PCDHA5: variants seen among roughly 807,000 people sequenced by gnomAD.
PCDHA5 encodes the protein protocadherin alpha 5.
PCDHA5 carries 43 observed loss-of-function variants against 61.6 expected under a neutral mutation model. That is an observed-to-expected ratio of 0.70 (90% confidence interval 0.55 to 0.90). The LOEUF is 0.90. PCDHA5 is among the 40% of genes least tolerant of loss of function. PCDHA5 has a pLI of 0.00. For synonymous variants in PCDHA5, 627 were observed against 543.9 expected (o/e 1.15, Z -2.13); for missense variants, 1,298 against 1,222.7 (o/e 1.06, Z -0.92).
intron 1 of PCDHA5, among the ~76,000 whole-genome samples, chr5:140,885,916 T>C (rs2060771663): frequency 1.3e-5 from 2 of 152,202 alleles, no homozygotes; most frequent in Admixed American, 1.3e-4. Flanking sequence ...CTTATAGATA[T>C]TAACTGTTTA....
chr5:140,863,164 G>A, intron 1 of PCDHA5: 2 of 661,250 alleles, frequency 3.0e-6, no homozygotes, highest in Non-Finnish European at 5.5e-6. Flanking sequence ...CTGCGAGCTG[G>A]CGCTGACTGC....
chr5:140,876,062 G>C, intron 1 of PCDHA5: 1 of 1,613,842 alleles, frequency 6.2e-7, no homozygotes, highest in South Asian at 1.1e-5. Flanking sequence ...TTAGTTCTTC[G>C]GAAGTTATTG....
intron 1 of PCDHA5, among the ~76,000 whole-genome samples, chr5:140,971,717 T>C (rs2096494226): frequency 6.6e-6 from 1 of 152,012 alleles, no homozygotes; most frequent in Non-Finnish European, 1.5e-5. Flanking sequence ...TATAGATATA[T>C]GTATATCATA....
In PCDHA5 at chr5:140,822,855, G is replaced by C. The variant is rs782705160; in HGVS notation, c.1080G>C (p.Glu360Asp). Residue 360 changes from glutamate (E) to aspartate (D), a missense_variant, in exon 1 of 4, where the codon GAG (glutamate) becomes GAC (aspartate). Glu to Asp is a conservative substitution (Grantham distance 45). Coordinates refer to ENST00000529859, the MANE Select transcript of PCDHA5 (RefSeq NM_018908.3). Reference sequence around the variant, plus strand: ...CCACCCTTTTCCTGCCTGTCAAAGAGGACGCTCCACTCAGCACGGTCATTG... The same window carrying C: ...CCACCCTTTTCCTGCCTGTCAAAGACGACGCTCCACTCAGCACGGTCATTG... ...AITTLFLPVK[E>D]DAPLSTVIAL... 1 of 1,614,216 alleles carries C rather than the reference G, an allele frequency of 6.2e-7. No homozygotes were observed. The highest frequency in any genetic ancestry group is 8.5e-7 in the Non-Finnish European group (1 of 1,180,050).
rs2150347815 is a variant in PCDHA5, at chr5:140,842,914, G to A, written c.2352+18787G>A. 19 of 1,594,548 alleles carry A rather than the reference G, an allele frequency of 1.2e-5. 2 individuals carry two copies. The highest frequency in any genetic ancestry group is 1.6e-5 in the Non-Finnish European group (19 of 1,165,450). On this transcript the variant is annotated intron_variant, in intron 1 of 3. Transcript: ENST00000529859. ...TGGACCACGAGGAGCTAGAGCTGCT[G>A]CAGTTCCAGGTGAGCGCGCGCGACG...
chr5:140,967,774 G>C (rs1447955993), intron 1 of PCDHA5: 3 of 1,614,106 alleles, frequency 1.9e-6, no homozygotes, highest in Non-Finnish European at 1.7e-6. Context: ...TCTATGTGCA[G>C]GCGACTGACC....
At chr5:140,920,503 A>G (rs1411233164) in intron 1 of PCDHA5, among the ~76,000 whole-genome samples, 1 of 152,126 alleles carries the variant, frequency 6.6e-6, no homozygotes, top group Non-Finnish European at 1.5e-5. Flanking sequence ...AGTTCTACAT[A>G]CTGTTTTATG....
At chr5:140,969,865 C>T (rs982289120) in intron 1 of PCDHA5, among the ~76,000 whole-genome samples, 1 of 152,204 alleles carries the variant, frequency 6.6e-6, no homozygotes. Flanking sequence ...GGTACTTGCA[C>T]TGAACCTATG....
chr5:140,929,071 T>C, intron 1 of PCDHA5: 1 of 1,614,122 alleles, frequency 6.2e-7, no homozygotes, highest in South Asian at 1.1e-5. Flanking sequence ...GGATCTGAGG[T>C]ATGGAAGTAA....
rs182361197 is a variant in PCDHA5, at chr5:140,979,956, T to G, written c.2411+949T>G. 2.0e-5 allele frequency among the ~76,000 whole-genome samples: 3 copies of G among 152,378 alleles called. No homozygotes were observed. In the East Asian group the frequency reaches 5.8e-4, roughly 29 times the overall value. ...GTGTAGAGTTAATGTGAAATTAGTT[T>G]TAGCCCATTAAAATGCATTAGATTG... On this transcript the variant is annotated intron_variant, in intron 2 of 3. Transcript: ENST00000529859.
At position 140,850,636 on chromosome 5, in the gene PCDHA5, C is replaced by T. The variant is rs2150491740; in HGVS notation, c.2352+26509C>T. The T allele has an allele frequency of 8.1e-6, 13 of 1,598,538 alleles. 2 individuals are homozygous for T. The highest frequency in any genetic ancestry group is 6.7e-5 in the Admixed American group (4 of 59,320). Reference sequence around the variant, plus strand: ...GCGGTGTCTAGCCTGTTGGTTCTCACGCTGCTGCTGTACACTGTGCTGCGG... The same window carrying T: ...GCGGTGTCTAGCCTGTTGGTTCTCATGCTGCTGCTGTACACTGTGCTGCGG... On this transcript the variant is annotated intron_variant, in intron 1 of 3. Transcript: ENST00000529859.
chr5:140,924,253 A>G (rs550218351), intron 1 of PCDHA5, among the ~76,000 whole-genome samples: 1 of 152,212 alleles, frequency 6.6e-6, no homozygotes, highest in African/African-American at 2.4e-5. Context: ...TCCTGGTGAG[A>G]TCTAATGAGG....
intron 1 of PCDHA5, among the ~76,000 whole-genome samples, chr5:140,936,885 T>C (rs1490428437): frequency 6.6e-6 from 1 of 152,238 alleles, no homozygotes; most frequent in Non-Finnish European, 1.5e-5. Context: ...CCTGCTTTGA[T>C]TTTAATTGGC....
chr5:141,009,533 G>T (rs1410740655), intron 3 of PCDHA5, 94 bp from the exon 4 acceptor site: 1 of 1,509,328 alleles, frequency 6.6e-7, no homozygotes, highest in African/African-American at 1.4e-5. Context: ...GGGAGGTTCA[G>T]CCTGCCTATG....
intron 1 of PCDHA5, among the ~76,000 whole-genome samples, chr5:140,916,135 T>TG (rs1178819787): frequency 6.6e-6 from 1 of 152,126 alleles, no homozygotes; most frequent in Non-Finnish European, 1.5e-5. Flanking sequence ...GCTTAAGGGC[T>TG]GTTCAGTTGT....
intron 1 of PCDHA5, 167 bp from the exon 2 acceptor site, chr5:140,978,782 A>T (rs782295456): frequency 3.1e-5 from 30 of 971,664 alleles, no homozygotes; most frequent in Non-Finnish European, 3.7e-5. Context: ...TTTTCTTCTA[A>T]AGTGCTATAT....
chr5:140,932,700 AT>A (rs2088549755), intron 1 of PCDHA5, among the ~76,000 whole-genome samples: 1 of 151,992 alleles, frequency 6.6e-6, no homozygotes, highest in Non-Finnish European at 1.5e-5. Context: ...AAAAACTCAT[AT>A]AGACAACACA....
intron 1 of PCDHA5, among the ~76,000 whole-genome samples, chr5:140,935,104 A>G (rs1233919640): frequency 2.0e-5 from 3 of 152,126 alleles, no homozygotes; most frequent in Non-Finnish European, 4.4e-5. Context: ...GCCATTTTTC[A>G]AAGAGCTTTC....
intron 1 of PCDHA5, among the ~76,000 whole-genome samples, chr5:140,838,930 T>C (rs10059211): frequency 0.025 from 3,848 of 151,876 alleles, 212 homozygotes; most frequent in African/African-American, 0.088. Context: ...TAAAATAAAA[T>C]GAAATAATAA....
Sources: gnomAD v4.1 joint callset for allele counts (sites outside exome capture counted in the v4.1 genomes callset) on GRCh38, gnomAD v4.1.1 for gene constraint, MANE v1.5 for transcripts, NCBI Gene and HGNC (gene_info 2026-07-23, HGNC 2026-07-21) for gene names.